The following JARID2 variants were observed in gnomAD, a reference collection of about 807,000 sequenced individuals.
JARID2 encodes the protein protein Jumonji.
Under a neutral mutation model 125.6 loss-of-function variants are expected in JARID2, and 21 were observed. The observed-to-expected ratio is 0.17, with a 90% confidence interval of 0.12 to 0.24. The LOEUF (loss-of-function observed/expected upper bound fraction) is 0.24, where lower values mean the gene tolerates loss of function less well. Among genes scored for constraint, JARID2 ranks in the 10% least tolerant of loss-of-function variants. The pLI is 1.00. For missense variants in JARID2, 1,303 were observed against 1,639.6 expected (o/e 0.79, Z 3.55); for synonymous variants, 736 against 661.6 (o/e 1.11, Z -1.73).
intron 5 of JARID2, among the ~76,000 whole-genome samples, chr6:15,483,446 T>C (rs1769719747): frequency 6.6e-6 from 1 of 151,966 alleles, no homozygotes; most frequent in Non-Finnish European, 1.5e-5. Flanking sequence ...ATTAGACTAG[T>C]GTATAGTAGT....
chr6:15,366,095 A>G (rs1361646819), intron 1 of JARID2, among the ~76,000 whole-genome samples: 1 of 152,054 alleles, frequency 6.6e-6, no homozygotes, highest in Non-Finnish European at 1.5e-5. Flanking sequence ...TTCCCTCCCA[A>G]TTTTTTATTT....
At chr6:15,425,627 G>A (rs952784162) in intron 3 of JARID2, among the ~76,000 whole-genome samples, 20 of 152,134 alleles carry the variant, frequency 1.3e-4, no homozygotes, top group African/African-American at 4.6e-4. Context: ...CTTGCCATAT[G>A]TTGCCTTCTA....
chr6:15,415,544 G>A (rs532269771), intron 3 of JARID2, among the ~76,000 whole-genome samples: 2 of 143,750 alleles, frequency 1.4e-5, no homozygotes, highest in East Asian at 2.1e-4. Context: ...CTCACCTCCC[G>A]GGCAGAGGCG....
intron 1 of JARID2, among the ~76,000 whole-genome samples, chr6:15,274,911 T>C (rs1760438718): frequency 6.6e-6 from 1 of 152,190 alleles, no homozygotes; most frequent in African/African-American, 2.4e-5. Context: ...TGGTCAGCCT[T>C]CTGGAATGTT....
intron 5 of JARID2, among the ~76,000 whole-genome samples, chr6:15,473,514 G>GCCGCCCCCCCCCCCC (rs1451318951): frequency 2.9e-5 from 1 of 35,000 alleles, no homozygotes; most frequent in African/African-American, 7.2e-5. Context: ...TGATGTGCGT[G>GCCGCCCCCCCCCCCC]CCCCCCCCCC....
At chr6:15,476,892 G>T (rs1027628419) in intron 5 of JARID2, among the ~76,000 whole-genome samples, 1 of 152,216 alleles carries the variant, frequency 6.6e-6, no homozygotes, top group Non-Finnish European at 1.5e-5. Flanking sequence ...TTTCCAGGGG[G>T]TAAGTGAGGT....
chr6:15,273,743 G>C (rs1760389721), intron 1 of JARID2, among the ~76,000 whole-genome samples: 1 of 152,014 alleles, frequency 6.6e-6, no homozygotes, highest in South Asian at 2.1e-4. Flanking sequence ...TGTTTCTCAG[G>C]GTAGTTTTCT....
intron 1 of JARID2, among the ~76,000 whole-genome samples, chr6:15,257,020 C>T (rs1317608434): frequency 1.3e-5 from 2 of 152,072 alleles, no homozygotes; most frequent in Non-Finnish European, 2.9e-5. Context: ...TTGAGAATTC[C>T]TGAGGTTTCT....
intron 3 of JARID2, among the ~76,000 whole-genome samples, chr6:15,430,767 T>TG (rs1000374558): frequency 5.9e-5 from 9 of 152,136 alleles, no homozygotes; most frequent in Admixed American, 3.3e-4. Context: ...TGCTAACTCT[T>TG]GGGGGAATGA....
At chr6:15,308,844 T>C (rs1452272927) in intron 1 of JARID2, among the ~76,000 whole-genome samples, 4 of 152,218 alleles carry the variant, frequency 2.6e-5, no homozygotes, top group Non-Finnish European at 5.9e-5. Context: ...AAATAGGCTG[T>C]GTGCTTGGAT....
chr6:15,258,869 C>T (rs1302973480), intron 1 of JARID2, among the ~76,000 whole-genome samples: 1 of 152,196 alleles, frequency 6.6e-6, no homozygotes, highest in East Asian at 1.9e-4. Flanking sequence ...TGTAATTCTC[C>T]AAGTGCAAGA....
chr6:15,497,770 C>T (rs1003878159), intron 7 of JARID2, among the ~76,000 whole-genome samples: 28 of 152,110 alleles, frequency 1.8e-4, no homozygotes, highest in African/African-American at 5.6e-4. Flanking sequence ...AAGCAGGGGC[C>T]GGGGGGCCAG....
chr6:15,403,613 T>C (rs549801464), intron 2 of JARID2, among the ~76,000 whole-genome samples: 1 of 152,322 alleles, frequency 6.6e-6, no homozygotes, highest in South Asian at 2.1e-4. Flanking sequence ...GACATTTTCC[T>C]TATCTACCCA....
intron 3 of JARID2, among the ~76,000 whole-genome samples, chr6:15,435,791 T>A (rs114507459): frequency 2.1e-3 from 319 of 152,332 alleles, no homozygotes; most frequent in African/African-American, 7.3e-3. Flanking sequence ...TTTGGCACAT[T>A]GGAGTTTCAG....
At chr6:15,296,721 C>A (rs1761429447) in intron 1 of JARID2, among the ~76,000 whole-genome samples, 1 of 152,296 alleles carries the variant, frequency 6.6e-6, no homozygotes, top group Non-Finnish European at 1.5e-5. Context: ...AGCTGCTACC[C>A]GTGTCCCTGT....
At chr6:15,482,923 AC>A (rs142286503) in intron 5 of JARID2, among the ~76,000 whole-genome samples, 4,025 of 152,252 alleles carry the variant, frequency 0.026, 73 homozygotes, top group South Asian at 0.056. Flanking sequence ...TCTTGTTAGC[AC>A]CTTTGGTAAT....
At chr6:15,315,479 A>G (rs1268316174) in intron 1 of JARID2, among the ~76,000 whole-genome samples, 2 of 152,224 alleles carry the variant, frequency 1.3e-5, no homozygotes, top group African/African-American at 2.4e-5. Flanking sequence ...TGTGGGAATC[A>G]TAGTGCAGTC....
intron 1 of JARID2, among the ~76,000 whole-genome samples, chr6:15,299,075 A>G (rs998302462): frequency 3.3e-5 from 5 of 151,472 alleles, no homozygotes; most frequent in Admixed American, 6.6e-5. Flanking sequence ...TAAGAGGATC[A>G]TGGTGTACAC....
chr6:15,495,192 G>A (rs1462841379), intron 6 of JARID2, among the ~76,000 whole-genome samples: 1 of 152,166 alleles, frequency 6.6e-6, no homozygotes, highest in East Asian at 1.9e-4. Context: ...CTTGTTTGAA[G>A]CTTGTGCATT....
Sources: allele counts gnomAD v4.1 joint callset (sites outside exome capture counted in the v4.1 genomes callset), GRCh38; gene constraint gnomAD v4.1.1; transcripts MANE v1.5; gene names NCBI Gene and HGNC (gene_info 2026-07-23, HGNC 2026-07-21).